PLSCR2: variants seen among roughly 807,000 people sequenced by gnomAD.
The protein encoded by PLSCR2 is PL scramblase 2.
A neutral mutation model predicts 25.3 loss-of-function variants in PLSCR2; 18 were observed. The observed-to-expected ratio is 0.71, with a 90% confidence interval of 0.49 to 1.06. The LOEUF (loss-of-function observed/expected upper bound fraction) is 1.06. Ranked by LOEUF, PLSCR2 falls within the 50% of genes least tolerant of loss-of-function variation. The pLI is 0.00. For synonymous variants in PLSCR2, 88 were observed against 87.3 expected (o/e 1.01, Z -0.04); for missense variants, 243 against 269.5 (o/e 0.90, Z 0.69).
chr3:146,490,345 G>C (rs567858461), intron 1 of PLSCR2, among the ~76,000 whole-genome samples: 1 of 152,230 alleles, frequency 6.6e-6, no homozygotes, highest in Admixed American at 6.5e-5. Flanking sequence ...TGGGCTGAGA[G>C]CTCTCTGCAT....
chr3:146,435,835 G>A, intron 8 of PLSCR2, among the ~76,000 whole-genome samples: 1 of 152,190 alleles, frequency 6.6e-6, no homozygotes. Context: ...TTTTAGTCAT[G>A]AAGTACTTGC....
chr3:146,435,548 C>T (rs142040972), intron 8 of PLSCR2, among the ~76,000 whole-genome samples: 1,853 of 152,216 alleles, frequency 0.012, 36 homozygotes, highest in African/African-American at 0.043. Flanking sequence ...TTTCGTGTGT[C>T]TGTTGGCTGC....
intron 5 of PLSCR2, among the ~76,000 whole-genome samples, chr3:146,451,911 A>C (rs2040921658): frequency 6.6e-6 from 1 of 152,144 alleles, no homozygotes; most frequent in Admixed American, 6.5e-5. Flanking sequence ...TTCATCTACT[A>C]ACCTCTTCAT....
intron 8 of PLSCR2, among the ~76,000 whole-genome samples, chr3:146,434,807 A>C (rs2039733215): frequency 1.3e-5 from 2 of 152,082 alleles, no homozygotes; most frequent in South Asian, 4.1e-4. Flanking sequence ...GTTCTAGGGT[A>C]CATGTGCACA....
At chr3:146,462,521 T>TCACCAA (rs2041652009), upstream of PLSCR2, among the ~76,000 whole-genome samples, 1 of 151,488 alleles carries the variant, frequency 6.6e-6, no homozygotes, top group South Asian at 2.1e-4. Context: ...TGGAGTGTAG[T>TCACCAA]GTGGCATGAT....
At chr3:146,434,421 T>G (rs905384001) in intron 8 of PLSCR2, among the ~76,000 whole-genome samples, 1 of 152,084 alleles carries the variant, frequency 6.6e-6, no homozygotes, top group African/African-American at 2.4e-5. Context: ...CGTACAAAAT[T>G]TCAAGGAAAA....
chr3:146,455,267 C>T, exon 4 of PLSCR2: 1 of 1,613,816 alleles, frequency 6.2e-7, no homozygotes, highest in Admixed American at 1.7e-5. Flanking sequence ...GCAACAACAA[C>T]AGTTACATCT....
intron 1 of PLSCR2, among the ~76,000 whole-genome samples, chr3:146,466,249 C>T (rs527466747): frequency 1.3e-5 from 2 of 149,324 alleles, no homozygotes; most frequent in Admixed American, 1.3e-4. Context: ...CTCAGCTCTG[C>T]AACCTCTGCC....
chr3:146,437,345 G>A (rs2039937162), downstream of PLSCR2, among the ~76,000 whole-genome samples: 1 of 152,204 alleles, frequency 6.6e-6, no homozygotes, highest in African/African-American at 2.4e-5. Context: ...AGTTTCTAAA[G>A]GAATGGTACC....
chr3:146,442,560 T>G (rs537998278), intron 6 of PLSCR2, among the ~76,000 whole-genome samples: 1 of 152,178 alleles, frequency 6.6e-6, no homozygotes, highest in Non-Finnish European at 1.5e-5. Context: ...TTTCAAAATA[T>G]ATTACAAAGA....
At chr3:146,464,679 C>T (rs1472827731), upstream of PLSCR2, among the ~76,000 whole-genome samples, 1 of 152,178 alleles carries the variant, frequency 6.6e-6, no homozygotes, top group Non-Finnish European at 1.5e-5. Flanking sequence ...GATTACTACA[C>T]ACTTCTTTCT....
At chr3:146,456,463 A>G (rs2041226502) in intron 3 of PLSCR2, among the ~76,000 whole-genome samples, 1 of 152,190 alleles carries the variant, frequency 6.6e-6, no homozygotes, top group Admixed American at 6.5e-5. Context: ...TTGTGAAAAA[A>G]TTTAAAATCG....
At chr3:146,448,329 G>A (rs2040684761) in intron 6 of PLSCR2, among the ~76,000 whole-genome samples, 1 of 152,050 alleles carries the variant, frequency 6.6e-6, no homozygotes, top group Admixed American at 6.6e-5. Context: ...TGAAGCAGCT[G>A]GGTCCTTTTT....
At chr3:146,398,706 A>G (rs2038359421) in intron 2 of PLSCR2, 1 of 152,402 alleles carries the variant, frequency 6.6e-6, no homozygotes, top group East Asian at 1.9e-4. Flanking sequence ...CCATGGGCCT[A>G]TAATTTTCAT....
upstream of PLSCR2, chr3:146,463,842 T>A (rs2041740238): frequency 1.0e-6 from 1 of 976,700 alleles, no homozygotes; most frequent in Admixed American, 6.2e-5. Context: ...TACCTGCCAT[T>A]TCAAAATTAT....
At chr3:146,456,733 T>C (rs2041243453) in intron 3 of PLSCR2, among the ~76,000 whole-genome samples, 1 of 152,162 alleles carries the variant, frequency 6.6e-6, no homozygotes, top group Admixed American at 6.5e-5. Context: ...AAAAATAAAC[T>C]GAGTAATCAT....
At chr3:146,475,774 G>C (rs934799031) in intron 1 of PLSCR2, among the ~76,000 whole-genome samples, 40 of 152,128 alleles carry the variant, frequency 2.6e-4, no homozygotes, top group Non-Finnish European at 5.9e-5. Context: ...TCCAATAGAT[G>C]ATTTACGGTA....
Position 146,398,817 on chromosome 3 carries a change from T to G in PLSCR2, c.101-2896A>C, listed in dbSNP as rs147859733. On this transcript the variant is annotated intron_variant and NMD_transcript_variant, in intron 2 of 3. Coordinates refer to the PLSCR2 transcript ENST00000463633. ...TGTTTCACCTGGTGGAGCTTCAACT[T>G]TTAGCTACAAAAGATTGAAAATATA... The G allele has an allele frequency of 3.1e-3, 479 of 152,374 alleles. 3 individuals carry two copies. Among genetic ancestry groups the G allele is most frequent in the Non-Finnish European group, 5.1e-3 (343 of 67,742 alleles). The allele number at this position is 152,374 out of a possible 1,614,324, so 9.4% of individuals were successfully genotyped here. A position where few individuals can be genotyped will look rare whatever the true frequency, so the allele number is the denominator to read the frequency against.
At chr3:146,408,103 C>T (rs376556247) in intron 2 of PLSCR2, among the ~76,000 whole-genome samples, 1 of 152,198 alleles carries the variant, frequency 6.6e-6, no homozygotes, top group South Asian at 2.1e-4. Flanking sequence ...CATGAGGAGC[C>T]GTAAGGGTTA....
Sources: gnomAD v4.1 joint callset for allele counts (sites outside exome capture counted in the v4.1 genomes callset) on GRCh38, gnomAD v4.1.1 for gene constraint, MANE v1.5 for transcripts, NCBI Gene and HGNC (gene_info 2026-07-23, HGNC 2026-07-21) for gene names.